The following NAP1L1 variants were observed in gnomAD, a reference collection of about 807,000 sequenced individuals.
The protein encoded by NAP1L1 is nucleosome assembly protein 1-like 1.
A neutral mutation model predicts 58.9 loss-of-function variants in NAP1L1; 9 were observed. That is an observed-to-expected ratio of 0.15 (90% CI 0.09 to 0.27). The LOEUF is 0.27. Ranked by LOEUF, NAP1L1 falls within the 10% of genes least tolerant of loss-of-function variation. The pLI, the probability that NAP1L1 is intolerant of heterozygous loss-of-function variation, is 1.00. For missense variants in NAP1L1, 302 were observed against 458.8 expected, an observed-to-expected ratio of 0.66 and a Z score of 3.12; for synonymous variants, 130 against 138.3, an observed-to-expected ratio of 0.94 and a Z score of 0.42.
intron 9 of NAP1L1, among the ~76,000 whole-genome samples, 186 bp from the exon 10 acceptor site, chr12:76,053,536 T>C (rs1259160422): frequency 6.6e-6 from 1 of 152,202 alleles, no homozygotes; most frequent in Non-Finnish European, 1.5e-5. Context: ...CATTTACAAT[T>C]AGCACAAACA....
At chr12:76,064,142 C>G (rs887884082) in intron 4 of NAP1L1, among the ~76,000 whole-genome samples, 14 of 151,968 alleles carry the variant, frequency 9.2e-5, no homozygotes, top group Admixed American at 7.2e-4. Context: ...AAGGCCTTGT[C>G]ATAAAAGCTG....
chr12:76,064,233 T>C (rs1011274323), intron 4 of NAP1L1, among the ~76,000 whole-genome samples: 1 of 152,076 alleles, frequency 6.6e-6, no homozygotes, highest in Non-Finnish European at 1.5e-5. Flanking sequence ...AAGACACATA[T>C]CAGTAAAATG....
In NAP1L1 at chr12:76,048,240, T is replaced by C. The variant is rs904469599; in HGVS notation, c.*189A>G. On this transcript the variant is annotated 3_prime_UTR_variant, in exon 15 of 15. Transcript: ENST00000618691. ...CGTGACAGAATTTGTGCATTCAACA[T>C]AGCTGGCAGAAAAACTAGTTAAAAT... The C allele has an allele frequency of 7.2e-6, 4 of 556,442 alleles. No homozygotes were observed. Among genetic ancestry groups the C allele is most frequent in the Non-Finnish European group, 1.3e-5 (4 of 318,400 alleles). 34.5% of individuals were successfully genotyped at this position (556,442 alleles called of 1,614,324 possible). A position where few individuals can be genotyped will look rare whatever the true frequency, so the allele number is the denominator to read the frequency against.
chr12:76,076,547 GAAATATATATATATATATATATATAT>G (rs1373426509), intron 1 of NAP1L1, among the ~76,000 whole-genome samples: 1 of 79,542 alleles, frequency 1.3e-5, no homozygotes, highest in African/African-American at 4.9e-5. Flanking sequence ...TTTGGATATG[GAAATATATATATATATATATATATAT>G]ATATATATAT....
At chr12:76,053,021 T>C (rs2136971807) in intron 11 of NAP1L1, 70 bp downstream of exon 11, 3 of 1,459,096 alleles carry the variant, frequency 2.1e-6, no homozygotes, top group Non-Finnish European at 2.8e-6. Context: ...CCACTCTCCA[T>C]TTTTGAAATT....
intron 1 of NAP1L1, among the ~76,000 whole-genome samples, chr12:76,075,761 C>CTT (rs1312727601): frequency 1.3e-5 from 2 of 152,172 alleles, no homozygotes; most frequent in East Asian, 3.9e-4. Context: ...TCAATAACTT[C>CTT]TTTTTAATAC....
chr12:76,079,023 C>A (rs1388249237), intron 1 of NAP1L1, among the ~76,000 whole-genome samples: 1 of 151,254 alleles, frequency 6.6e-6, no homozygotes, highest in Non-Finnish European at 1.5e-5. Context: ...ATATATTTAT[C>A]CAGCTCCGGA....
Position 76,053,786 on chromosome 12 carries a change from T to C in NAP1L1, c.754A>G (p.Ile252Val), listed in dbSNP as rs1300565985. ...TAAACTCACCCTGTACAACCCATAA[T>C]TTCTGGTCCATCAAAAGAAAAGGGA... The part of the protein sequence containing the change: ...SDPFSFDGPE[I>V]MGCTGCQIDW... The change falls in exon 9 of 15, where the codon ATT becomes GTT. Residue 252 changes from isoleucine to valine, a missense_variant. By Grantham distance (29) the Ile-to-Val change is conservative. Coordinates refer to ENST00000618691, the MANE Select transcript of NAP1L1 (RefSeq NM_004537.7). 2.5e-6 allele frequency: 4 copies of C among 1,609,198 alleles called. No individual in the cohort carries two copies. Among genetic ancestry groups the C allele is most frequent in the Non-Finnish European group, 3.4e-6 (4 of 1,178,938 alleles).
intron 4 of NAP1L1, among the ~76,000 whole-genome samples, chr12:76,065,100 TAAC>T (rs1351576961): frequency 6.6e-6 from 1 of 152,132 alleles, no homozygotes; most frequent in Non-Finnish European, 1.5e-5. Flanking sequence ...CTCAACAATG[TAAC>T]AATAACACAT....
rs1871095097 is a variant in NAP1L1, at chr12:76,038,176, G to T, written c.*10253C>A. 6.6e-6 allele frequency: 1 copy of T among 152,098 alleles called. No individual in the cohort carries two copies. Among genetic ancestry groups the T allele is most frequent in the Non-Finnish European group, 1.5e-5 (1 of 68,008 alleles). The allele number at this position is 152,098 out of a possible 1,614,324, so 9.4% of individuals were successfully genotyped here. A position where few individuals can be genotyped will look rare whatever the true frequency, so the allele number is the denominator to read the frequency against. Reference sequence around the variant, plus strand: ...TGATATTCTGGCTCTGGGTCTCTGGGGTGACAAGATACCCCAGTAACTAAG... The same window carrying T: ...TGATATTCTGGCTCTGGGTCTCTGGTGTGACAAGATACCCCAGTAACTAAG... On this transcript the variant is annotated 3_prime_UTR_variant, in exon 15 of 15. Transcript: ENST00000618691.
In NAP1L1 at chr12:76,037,718, C is replaced by G. The variant is rs992110739; in HGVS notation, c.*10711G>C. On this transcript the variant is annotated 3_prime_UTR_variant, in exon 15 of 15. Coordinates refer to ENST00000618691, the MANE Select transcript of NAP1L1 (RefSeq NM_004537.7). ...CCAAATCCTCTGTAAACCTTTCATT[C>G]TTCAAAGCCCTATTCAAATCCCAGA... 1 of 152,202 alleles carries G rather than the reference C, an allele frequency of 6.6e-6. No homozygotes were observed. The highest frequency in any genetic ancestry group is 2.4e-5 in the African/African-American group (1 of 41,442). The allele number at this position is 152,202 out of a possible 1,614,324, so 9.4% of individuals were successfully genotyped here. A position where few individuals can be genotyped will look rare whatever the true frequency, so the allele number is the denominator to read the frequency against.
chr12:76,068,551 T>A (rs536415345), intron 3 of NAP1L1: 1 of 161,230 alleles, frequency 6.2e-6, no homozygotes, highest in African/African-American at 2.4e-5. Flanking sequence ...ACACACTACA[T>A]GTTCTCCATA....
intron 6 of NAP1L1, chr12:76,056,682 A>C (rs1191049207): frequency 1.8e-5 from 8 of 444,682 alleles, no homozygotes; most frequent in Non-Finnish European, 3.1e-5. Context: ...CCTACCATGA[A>C]GTTAAAAAAA....
At chr12:76,059,084 T>C (rs911325148) in intron 6 of NAP1L1, among the ~76,000 whole-genome samples, 6 of 152,262 alleles carry the variant, frequency 3.9e-5, no homozygotes, top group Non-Finnish European at 7.3e-5. Context: ...ATAAAACTTA[T>C]GGATGAAAGT....
intron 14 of NAP1L1, 103 bp downstream of exon 14, chr12:76,049,093 GCTTT>G: frequency 8.9e-7 from 1 of 1,121,562 alleles, no homozygotes. Flanking sequence ...CAGTCAATAG[GCTTT>G]ATTTATTAAA....
intron 1 of NAP1L1, chr12:76,083,947 C>G (rs535906882): frequency 6.6e-6 from 1 of 152,360 alleles, no homozygotes; most frequent in Admixed American, 6.5e-5. Flanking sequence ...ACGTGTGGAG[C>G]GAAGCCGCCG....
chr12:76,064,987 T>C lies in NAP1L1; in HGVS notation c.206+2384A>G, dbSNP rs183193366. ...TGAAATCTTGACTCCAAAAACCAGT[T>C]AAATATTACCACTTCCTGAAACTTT... On this transcript the variant is annotated intron_variant, in intron 4 of 14. Coordinates refer to ENST00000618691, the MANE Select transcript of NAP1L1 (RefSeq NM_004537.7). 1.4e-4 allele frequency among the ~76,000 whole-genome samples: 21 copies of C among 152,202 alleles called. 1 individual carries two copies. Among genetic ancestry groups the C allele is most frequent in the Non-Finnish European group, 2.9e-4 (20 of 67,978 alleles).
At position 76,084,641 on chromosome 12, in the gene NAP1L1, G is replaced by C. The variant is rs529480264; in HGVS notation, c.-95C>G. 1.3e-5 allele frequency: 2 copies of C among 154,026 alleles called. No individual in the cohort carries two copies. Among genetic ancestry groups the C allele is most frequent in the Admixed American group, 6.5e-5 (1 of 15,306 alleles). 9.5% of individuals were successfully genotyped at this position (154,026 alleles called of 1,614,324 possible). On this transcript the variant is annotated 5_prime_UTR_variant, in exon 1 of 15. Coordinates refer to ENST00000618691, the MANE Select transcript of NAP1L1 (RefSeq NM_004537.7). ...TCAGGGCGGCAGCGGCAGCAGCAGC[G>C]GGAGGAGCAGGAGGCGGCGCCGCGA...
At chr12:76,057,815 A>G in intron 6 of NAP1L1, 1 of 1,546,580 alleles carries the variant, frequency 6.5e-7, no homozygotes, top group Non-Finnish European at 8.8e-7. Flanking sequence ...GAAGAGGAGA[A>G]GAAAAAACAG....
Sources: allele counts gnomAD v4.1 joint callset (sites outside exome capture counted in the v4.1 genomes callset), GRCh38; gene constraint gnomAD v4.1.1; transcripts MANE v1.5; gene names NCBI Gene and HGNC (gene_info 2026-07-23, HGNC 2026-07-21).